Variants in UBR1 observed in about 807,000 individuals in gnomAD.
UBR1 encodes the protein ubiquitin protein ligase E3 component n-recognin 1, also known as E3 ubiquitin-protein ligase UBR1.
Under a neutral mutation model 242.1 loss-of-function variants are expected in UBR1, and 102 were observed. The observed-to-expected ratio is 0.42, with a 90% CI of 0.36 to 0.50. The LOEUF (loss-of-function observed/expected upper bound fraction) is 0.50. Ranked by LOEUF, UBR1 falls within the 20% of genes least tolerant of loss-of-function variation. UBR1 has a pLI of 0.01. For missense variants in UBR1, 1,772 were observed against 2,101.8 expected (o/e 0.84, Z 3.07); for synonymous variants, 675 against 684.8 (o/e 0.99, Z 0.22).
intron 42 of UBR1, among the ~76,000 whole-genome samples, chr15:42,963,434 A>G (rs78084245): frequency 0.019 from 2,834 of 152,300 alleles, 37 homozygotes; most frequent in Middle Eastern, 0.031. Flanking sequence ...ACAGTGCACA[A>G]GAGGGCCAGT....
At chr15:43,033,593 G>A (rs1446790734) in intron 19 of UBR1, among the ~76,000 whole-genome samples, 1 of 152,226 alleles carries the variant, frequency 6.6e-6, no homozygotes, top group Non-Finnish European at 1.5e-5. Context: ...GGCAGAGGTT[G>A]CAGTGAGCCA....
chr15:42,953,840 C>T (rs1225746477), intron 44 of UBR1, among the ~76,000 whole-genome samples: 2 of 151,658 alleles, frequency 1.3e-5, no homozygotes, highest in Non-Finnish European at 2.9e-5. Flanking sequence ...TAAAGACCAA[C>T]ACTCTCCACA....
At position 43,097,823 on chromosome 15, in the gene UBR1, A is replaced by G. The variant is rs577125769; in HGVS notation, c.81+8119T>C. Among the ~76,000 whole-genome samples the G allele has an allele frequency of 5.3e-5, 8 of 152,274 alleles. No individual in the cohort carries two copies. The South Asian group carries it at 1.0e-3, about 20-fold the overall frequency. On this transcript the variant is annotated intron_variant, in intron 1 of 46. Coordinates refer to ENST00000290650, the MANE Select transcript of UBR1 (RefSeq NM_174916.3). ...AATATTGTGGCTGGTTCAATCTTCT[A>G]TCCAGAGCACTAAAACTTTTTCCAC...
chr15:42,958,996 A>AT (rs1249665993), intron 43 of UBR1, among the ~76,000 whole-genome samples: 4 of 149,924 alleles, frequency 2.7e-5, no homozygotes, highest in African/African-American at 9.8e-5. Context: ...ATGCCCAGCT[A>AT]TTTTTTGTAT....
intron 4 of UBR1, among the ~76,000 whole-genome samples, chr15:43,072,571 T>C (rs2033835809): frequency 6.6e-6 from 1 of 152,206 alleles, no homozygotes; most frequent in African/African-American, 2.4e-5. Flanking sequence ...ATTGAACAGA[T>C]ATAGCAAAAG....
intron 32 of UBR1, among the ~76,000 whole-genome samples, chr15:43,000,387 G>A (rs139400588): frequency 7.2e-4 from 110 of 152,272 alleles, no homozygotes; most frequent in Non-Finnish European, 1.4e-3. Flanking sequence ...AAGTCATCAA[G>A]GAAAGAAGTA....
chr15:43,077,615 C>T (rs1741431662), intron 3 of UBR1, among the ~76,000 whole-genome samples: 1 of 148,246 alleles, frequency 6.7e-6, no homozygotes, highest in Non-Finnish European at 1.5e-5. Context: ...GCCAAATCCC[C>T]CTCTGGGAGA....
chr15:43,040,808 A>G (rs2033408223), intron 15 of UBR1, among the ~76,000 whole-genome samples: 1 of 152,260 alleles, frequency 6.6e-6, no homozygotes, highest in Non-Finnish European at 1.5e-5. Context: ...TCTCAAAAGA[A>G]GACATTTATG....
At chr15:43,069,093 T>C (rs1183449238) in intron 5 of UBR1, among the ~76,000 whole-genome samples, 1 of 152,198 alleles carries the variant, frequency 6.6e-6, no homozygotes, top group Non-Finnish European at 1.5e-5. Flanking sequence ...GTATACAGTA[T>C]AGACTTAAGC....
chr15:42,987,057 C>T (rs1262444476), intron 35 of UBR1, among the ~76,000 whole-genome samples: 1 of 152,248 alleles, frequency 6.6e-6, no homozygotes, highest in Non-Finnish European at 1.5e-5. Context: ...TTCCTCAGCT[C>T]CCATGCCCCT....
intron 2 of UBR1, 122 bp downstream of exon 2, chr15:43,085,862 C>T (rs1487509470): frequency 2.0e-5 from 21 of 1,072,276 alleles, no homozygotes; most frequent in East Asian, 1.1e-4. Context: ...GTTGCAGTGA[C>T]GTGACCGGAG....
chr15:42,958,529 G>C (rs1210232467), intron 43 of UBR1, among the ~76,000 whole-genome samples: 2 of 152,094 alleles, frequency 1.3e-5, no homozygotes, highest in African/African-American at 4.8e-5. Flanking sequence ...TCAGGTTCTG[G>C]GGAAGGGAGG....
At chr15:42,984,612 C>T (rs2032431326) in intron 36 of UBR1, among the ~76,000 whole-genome samples, 2 of 152,110 alleles carry the variant, frequency 1.3e-5, no homozygotes, top group Admixed American at 6.6e-5. Flanking sequence ...TAGGAAACAT[C>T]AGGATTTTGA....
chr15:43,003,717 T>C (rs2032761105), intron 31 of UBR1, 120 bp downstream of exon 31: 1 of 957,118 alleles, frequency 1.0e-6, no homozygotes, highest in Middle Eastern at 2.2e-4. Context: ...ATTAAAACTG[T>C]TTCAATTATT....
intron 36 of UBR1, 46 bp from the exon 37 acceptor site, chr15:42,984,039 G>C (rs775505954): frequency 4.7e-6 from 7 of 1,495,710 alleles, no homozygotes; most frequent in South Asian, 1.2e-5. Flanking sequence ...GGGAAGATGA[G>C]AGACCTAAGT....
At position 43,038,246 on chromosome 15, in the gene UBR1, A is replaced by G; in HGVS notation, c.1850-14T>C. 1 of 1,613,826 alleles carries G rather than the reference A, an allele frequency of 6.2e-7. No individual in the cohort carries two copies. The highest frequency in any genetic ancestry group is 8.5e-7 in the Non-Finnish European group (1 of 1,179,740). On this transcript the variant is annotated splice_polypyrimidine_tract_variant and intron_variant, in intron 15 of 46. Transcript: ENST00000290650. ...GTACATGAAGACCTAAAGTTAAAAA[A>G]ACGAGAGAGAAAATGAGAAAACAAA...
At chr15:43,034,030 G>A (rs988505647) in intron 19 of UBR1, among the ~76,000 whole-genome samples, 1 of 152,056 alleles carries the variant, frequency 6.6e-6, no homozygotes, top group African/African-American at 2.4e-5. Flanking sequence ...ACAAGGTCAG[G>A]AGTTCGAAAT....
intron 30 of UBR1, among the ~76,000 whole-genome samples, chr15:43,005,407 T>C (rs58996228): frequency 0.071 from 476 of 6,740 alleles, no homozygotes; most frequent in Middle Eastern, 0.11. Context: ...CCAGCCGCCC[T>C]GTCTTGGAGG....
At chr15:42,964,417 T>C (rs2032072765) in intron 41 of UBR1, among the ~76,000 whole-genome samples, 1 of 151,892 alleles carries the variant, frequency 6.6e-6, no homozygotes, top group African/African-American at 2.4e-5. Flanking sequence ...TGCAGTGAGC[T>C]GAGATCGCGC....
Sources: allele counts gnomAD v4.1 joint callset (sites outside exome capture counted in the v4.1 genomes callset), GRCh38; gene constraint gnomAD v4.1.1; transcripts MANE v1.5; gene names NCBI Gene and HGNC (gene_info 2026-07-23, HGNC 2026-07-21).